The following CSMD1 variants were observed in gnomAD, a reference collection of about 807,000 sequenced individuals.
CSMD1 encodes the protein CUB and sushi domain-containing protein 1.
Under a neutral mutation model 417.5 loss-of-function variants are expected in CSMD1, and 213 were observed. The ratio of observed to expected loss-of-function variants is 0.51; its 90% CI spans 0.46 to 0.57. The LOEUF (loss-of-function observed/expected upper bound fraction) is 0.57, where lower values mean the gene tolerates loss of function less well. CSMD1 is among the 20% of genes least tolerant of loss of function. The pLI is 0.00. For synonymous variants in CSMD1, 2,862 were observed against 1,736.8 expected (o/e 1.65, Z -16.11); for missense variants, 6,923 against 4,529.7 (o/e 1.53, Z -15.17).
chr8:4,241,485 G>C (rs1700109), intron 3 of CSMD1, among the ~76,000 whole-genome samples: 140,816 of 152,228 alleles, frequency 0.93, 66,130 homozygotes, highest in East Asian at 1. Flanking sequence ...CATGCAGTGA[G>C]GATGTGTCTT....
At chr8:4,305,693 T>C (rs1798206877) in intron 3 of CSMD1, among the ~76,000 whole-genome samples, 1 of 152,164 alleles carries the variant, frequency 6.6e-6, no homozygotes, top group South Asian at 2.1e-4. Flanking sequence ...TCAAAATGTG[T>C]CCTCCTGCAA....
intron 2 of CSMD1, among the ~76,000 whole-genome samples, chr8:4,495,473 G>C (rs929853781): frequency 6.6e-6 from 1 of 152,180 alleles, no homozygotes; most frequent in East Asian, 1.9e-4. Flanking sequence ...TACTCGGGAG[G>C]CTGAAGTAGG....
At chr8:3,336,298 G>A (rs761268425) in intron 23 of CSMD1, among the ~76,000 whole-genome samples, 3 of 152,156 alleles carry the variant, frequency 2.0e-5, no homozygotes, top group Non-Finnish European at 2.9e-5. Context: ...CCTGAACCCT[G>A]AGAACTGTCT....
chr8:4,832,132 C>G (rs576709921), intron 1 of CSMD1, among the ~76,000 whole-genome samples: 1 of 152,292 alleles, frequency 6.6e-6, no homozygotes, highest in East Asian at 1.9e-4. Context: ...TGGCATGTAT[C>G]TCTGTTTTCC....
At chr8:4,622,338 C>A (rs542590315) in intron 2 of CSMD1, among the ~76,000 whole-genome samples, 1 of 152,042 alleles carries the variant, frequency 6.6e-6, no homozygotes, top group Non-Finnish European at 1.5e-5. Flanking sequence ...AAAATGCATG[C>A]TGAGGCTCAA....
intron 42 of CSMD1, among the ~76,000 whole-genome samples, chr8:3,111,045 T>C (rs1816482818): frequency 6.6e-6 from 1 of 152,170 alleles, no homozygotes; most frequent in African/African-American, 2.4e-5. Flanking sequence ...AATTTAAATA[T>C]TCATATAGTG....
At chr8:4,645,133 T>C (rs1273473721) in intron 1 of CSMD1, among the ~76,000 whole-genome samples, 1 of 152,188 alleles carries the variant, frequency 6.6e-6, no homozygotes, top group Non-Finnish European at 1.5e-5. Flanking sequence ...AAATACTCCC[T>C]GCTTTATGGG....
intron 5 of CSMD1, among the ~76,000 whole-genome samples, chr8:3,892,093 T>G (rs895719079): frequency 5.3e-5 from 8 of 152,084 alleles, no homozygotes; most frequent in African/African-American, 1.9e-4. Flanking sequence ...TTTCAAAGTT[T>G]CCTATTCAGG....
chr8:3,487,991 T>TA (rs144877363), intron 11 of CSMD1, among the ~76,000 whole-genome samples: 2,812 of 149,810 alleles, frequency 0.019, 101 homozygotes, highest in African/African-American at 0.065. Flanking sequence ...CACAGAAGAC[T>TA]AAAAAAAAGA....
At chr8:4,268,597 TG>T (rs1804371390) in intron 3 of CSMD1, among the ~76,000 whole-genome samples, 1 of 152,186 alleles carries the variant, frequency 6.6e-6, no homozygotes, top group Admixed American at 6.5e-5. Context: ...GACTTATTTT[TG>T]CAAGAGTAGC....
chr8:4,696,480 G>A (rs1056763191), intron 1 of CSMD1, among the ~76,000 whole-genome samples: 7 of 152,248 alleles, frequency 4.6e-5, no homozygotes, highest in African/African-American at 7.2e-5. Flanking sequence ...ACAGAGGGAC[G>A]GGAACTTCAG....
chr8:4,798,094 T>C (rs1798078888), intron 1 of CSMD1, among the ~76,000 whole-genome samples: 1 of 152,208 alleles, frequency 6.6e-6, no homozygotes, highest in Non-Finnish European at 1.5e-5. Flanking sequence ...AAATGTGCCA[T>C]GTTGGCATGC....
chr8:3,600,425 G>A (rs1178480217), intron 8 of CSMD1, among the ~76,000 whole-genome samples: 1 of 152,162 alleles, frequency 6.6e-6, no homozygotes. Context: ...AACTTAAGAG[G>A]TCTCTAAACC....
chr8:3,692,187 T>C (rs751594463), intron 7 of CSMD1, among the ~76,000 whole-genome samples: 21 of 152,202 alleles, frequency 1.4e-4, no homozygotes, highest in Admixed American at 2.6e-4. Context: ...TCTCCTGACT[T>C]TACGTTGTTA....
intron 25 of CSMD1, among the ~76,000 whole-genome samples, chr8:3,300,826 G>T (rs185171216): frequency 5.3e-5 from 8 of 151,800 alleles, no homozygotes; most frequent in Non-Finnish European, 1.2e-4. Context: ...GGGTGTGGTG[G>T]CACATGCATG....
At chr8:4,648,445 C>T (rs1030045155) in intron 1 of CSMD1, among the ~76,000 whole-genome samples, 1 of 152,120 alleles carries the variant, frequency 6.6e-6, no homozygotes, top group African/African-American at 2.4e-5. Context: ...ACCACAAGGG[C>T]ATGAAATAGA....
rs73491436 is a variant in CSMD1 at position 3,604,259 on chromosome 8, G to C, written c.1097+12451C>G. Among the ~76,000 whole-genome samples, 1,082 of 152,144 alleles carry C rather than the reference G, an allele frequency of 7.1e-3. 13 individuals carry two copies. The highest frequency in any genetic ancestry group is 0.025 in the African/African-American group (1,035 of 41,500). ...TAGACGTGCATAGAATTTCTGGCTG[G>C]TCAGTGCTAGAAAGTCAAAGGCCAG... On this transcript the variant is annotated intron_variant, in intron 8 of 69. Transcript: ENST00000635120.
intron 31 of CSMD1, among the ~76,000 whole-genome samples, chr8:3,202,782 A>G (rs1459195509): frequency 6.6e-6 from 1 of 152,218 alleles, no homozygotes; most frequent in Non-Finnish European, 1.5e-5. Context: ...ATAGACACAC[A>G]TACATATATT....
intron 5 of CSMD1, among the ~76,000 whole-genome samples, chr8:3,895,112 T>C (rs548066384): frequency 6.6e-6 from 1 of 152,170 alleles, no homozygotes; most frequent in African/African-American, 2.4e-5. Flanking sequence ...ACATATTGAT[T>C]AAATGTGATT....
Sources: allele counts gnomAD v4.1 joint callset (sites outside exome capture counted in the v4.1 genomes callset), GRCh38; gene constraint gnomAD v4.1.1; transcripts MANE v1.5; gene names NCBI Gene and HGNC (gene_info 2026-07-23, HGNC 2026-07-21).